The following NRBP1 variants were observed in gnomAD, a reference collection of about 807,000 sequenced individuals.
The protein encoded by NRBP1 is nuclear receptor binding protein 1, also known as nuclear receptor-binding protein.
NRBP1 carries 10 observed loss-of-function variants against 76.0 expected under a neutral mutation model. That is an observed-to-expected ratio of 0.13 (90% confidence interval 0.08 to 0.22). The LOEUF is 0.22. Ranked by LOEUF, NRBP1 falls within the 10% of genes least tolerant of loss-of-function variation. The pLI, the probability that NRBP1 is intolerant of heterozygous loss-of-function variation, is 1.00. For synonymous variants in NRBP1, 235 were observed against 240.2 expected (o/e 0.98, Z 0.20); for missense variants, 344 against 646.0 (o/e 0.53, Z 5.07).
chr2:27,434,644 G>C (rs1664238166), intron 5 of NRBP1, 78 bp from the exon 6 acceptor site: 1 of 1,593,458 alleles, frequency 6.3e-7, no homozygotes, highest in African/African-American at 1.3e-5. Flanking sequence ...AAGCTGATCA[G>C]GAAGGGACGG....
At chr2:27,434,971 C>T in intron 6 of NRBP1, 162 bp from the exon 7 acceptor site, 1 of 659,918 alleles carries the variant, frequency 1.5e-6, no homozygotes, top group Non-Finnish European at 2.7e-6. Context: ...TCTCCTAGTG[C>T]TTATCCAGCT....
rs996833698 is a variant in NRBP1, at chr2:27,434,406, T to C, written c.436-65T>C. 3 of 1,148,030 alleles carry C rather than the reference T, an allele frequency of 2.6e-6. No individual in the cohort carries two copies. In the African/African-American group the frequency reaches 4.7e-5, roughly 18 times the overall value. 71.1% of individuals were successfully genotyped at this position (1,148,030 alleles called of 1,614,324 possible). A position where few individuals can be genotyped will look rare whatever the true frequency, so the allele number is the denominator to read the frequency against. On this transcript the variant is annotated intron_variant, in intron 4 of 17. Coordinates refer to ENST00000379852, the MANE Select transcript of NRBP1 (RefSeq NM_013392.4). ...TTTTAACAAACCTTCAAATTTAAAATATGTTAACAAGGGAAGGGATCATTT... is the reference window on the plus strand; with the variant it reads ...TTTTAACAAACCTTCAAATTTAAAACATGTTAACAAGGGAAGGGATCATTT...
intron 16 of NRBP1, 55 bp downstream of exon 16, chr2:27,441,385 G>C (rs1024019117): frequency 8.9e-6 from 14 of 1,567,112 alleles, no homozygotes; most frequent in Middle Eastern, 1.7e-4. Flanking sequence ...TATCTTTTAG[G>C]GACATATTCA....
intron 5 of NRBP1, 54 bp from the exon 6 acceptor site, chr2:27,434,668 G>T: frequency 6.2e-7 from 1 of 1,609,202 alleles, no homozygotes; most frequent in Non-Finnish European, 8.5e-7. Context: ...GAGCTAGTGG[G>T]AGAGAGTTAA....
At chr2:27,438,561 T>C (rs114296609) in intron 10 of NRBP1, among the ~76,000 whole-genome samples, 1,681 of 152,254 alleles carry the variant, frequency 0.011, 36 homozygotes, top group African/African-American at 0.038. Context: ...TACTTCAACA[T>C]TGAGGTGGAG....
rs1477424024 is a variant in NRBP1 at position 27,437,075 on chromosome 2, C to T, written c.774C>T (p.Asp258=). 2 of 1,613,148 alleles carry T rather than the reference C, an allele frequency of 1.2e-6. No individual in the cohort carries two copies. Among genetic ancestry groups the T allele is most frequent in the African/African-American group, 2.7e-5 (2 of 74,606 alleles). The change falls in exon 9 of 18, where the codon GAC becomes GAT. Residue 258 remains aspartate, a synonymous_variant. Transcript: ENST00000379852. The part of the protein sequence containing the change: ...GEVTNVTTAV[D]IYSFGMCALE... ...TCACTAATGTGACAACAGCAGTGGACATCTACTCCTTTGGCATGTGTGCAC... is the reference window on the plus strand; with the variant it reads ...TCACTAATGTGACAACAGCAGTGGATATCTACTCCTTTGGCATGTGTGCAC...
rs1346535545 is a variant in NRBP1, at chr2:27,440,655, C to T, written c.1146C>T (p.Tyr382=). The change falls in exon 13 of 18, where the codon TAC becomes TAT. Residue 382 remains tyrosine, a synonymous_variant. Transcript: ENST00000379852. Reference sequence around the variant, plus strand: ...TCCTTTCTCTTTTCTCGTCCAGGTACTCTCAGTCACCAGCTCTGGAATTAG... The same window carrying T: ...TCCTTTCTCTTTTCTCGTCCAGGTATTCTCAGTCACCAGCTCTGGAATTAG... ...GPGREPVQTL[Y]SQSPALELDK... The T allele has an allele frequency of 3.7e-6, 6 of 1,614,064 alleles. No individual in the cohort carries two copies. In the Admixed American group the frequency reaches 6.7e-5, roughly 18 times the overall value.
chr2:27,434,414 C>T (rs1664230028), intron 4 of NRBP1, 57 bp from the exon 5 acceptor site: 3 of 1,195,584 alleles, frequency 2.5e-6, no homozygotes, highest in Non-Finnish European at 3.7e-6. Context: ...AATATGTTAA[C>T]AAGGGAAGGG....
chr2:27,430,387 G>A (rs1664057273), intron 1 of NRBP1, among the ~76,000 whole-genome samples: 1 of 152,000 alleles, frequency 6.6e-6, no homozygotes, highest in Admixed American at 6.5e-5. Context: ...AAAGATTGGT[G>A]TGTTGACTGG....
intron 11 of NRBP1, 77 bp from the exon 12 acceptor site, chr2:27,440,326 C>A: frequency 1.0e-6 from 1 of 995,936 alleles, no homozygotes; most frequent in Non-Finnish European, 1.6e-6. Context: ...GGATTCTTTA[C>A]CCCTTTGCCT....
upstream of NRBP1, chr2:27,428,353 A>C: frequency 3.4e-6 from 1 of 293,558 alleles, no homozygotes; most frequent in Non-Finnish European, 6.3e-6. Flanking sequence ...AAGAAGAGGT[A>C]GGAGGCCCTC....
intron 12 of NRBP1, 46 bp downstream of exon 12, chr2:27,440,554 C>T (rs751740963): frequency 4.4e-6 from 7 of 1,591,738 alleles, no homozygotes; most frequent in African/African-American, 1.3e-5. Context: ...GTCACGACCA[C>T]TCTTGAGGCT....
In NRBP1 at chr2:27,440,458, C is replaced by T. The variant is rs748798288; in HGVS notation, c.1092C>T (p.Ala364=). ...TCACCAAAAACATGGATACTAGTGC[C>T]GTACTGGCTGAAATCCCTGCAGGAC... is the stretch of plus-strand genomic sequence containing the variant. ...EEITKNMDTS[A]VLAEIPAGPG... is the part of the protein sequence containing the mutation. Residue 364 remains alanine (A), a synonymous_variant, in exon 12 of 18, where the codon GCC becomes GCT. Transcript: ENST00000379852. 54 of 1,613,970 alleles carry T rather than the reference C, an allele frequency of 3.3e-5. No homozygotes were observed. The highest frequency in any genetic ancestry group is 2.2e-5 in the East Asian group (1 of 44,898).
chr2:27,432,137 C>T (rs1664138493), intron 1 of NRBP1: 1 of 152,268 alleles, frequency 6.6e-6, no homozygotes, highest in Non-Finnish European at 1.5e-5. Flanking sequence ...GCGTGAGCCA[C>T]TGTGCCCGTC....
chr2:27,433,953 G>GT (rs1343471424), intron 3 of NRBP1, 36 bp from the exon 4 acceptor site: 1 of 1,531,048 alleles, frequency 6.5e-7, no homozygotes, highest in Non-Finnish European at 8.8e-7. Flanking sequence ...ACAGTGATTT[G>GT]TGACTCTGTT....
intron 10 of NRBP1, among the ~76,000 whole-genome samples, chr2:27,437,688 G>A (rs899948566): frequency 2.0e-5 from 3 of 151,836 alleles, no homozygotes; most frequent in Admixed American, 2.0e-4. Flanking sequence ...TGGCTAACAT[G>A]GTGAAACCCT....
At chr2:27,430,477 T>C (rs1395548010) in intron 1 of NRBP1, among the ~76,000 whole-genome samples, 2 of 121,380 alleles carry the variant, frequency 1.6e-5, no homozygotes, top group Non-Finnish European at 3.5e-5. Flanking sequence ...TTCTTTTTTT[T>C]TTTTTTTTTG....
intron 10 of NRBP1, among the ~76,000 whole-genome samples, chr2:27,437,715 C>CA (rs1442335724): frequency 2.6e-5 from 4 of 151,062 alleles, no homozygotes; most frequent in East Asian, 2.0e-4. Flanking sequence ...ACTAAAAATA[C>CA]AAAAAAAATT....
rs954349168 is a variant in NRBP1 at position 27,428,695 on chromosome 2, G to C, written c.-57G>C. The C allele has an allele frequency of 5.0e-6, 2 of 398,154 alleles. No individual in the cohort carries two copies. Among genetic ancestry groups the C allele is most frequent in the African/African-American group, 4.1e-5 (2 of 48,614 alleles). 24.7% of individuals were successfully genotyped at this position (398,154 alleles called of 1,614,324 possible). ...ATCCGGGGCCCCGGAACCCGAGCTG[G>C]AGCTGAAGCGCAGGCTGCGGGGCGC... On this transcript the variant is annotated 5_prime_UTR_variant, in exon 1 of 18. Transcript: ENST00000379852.
Sources: allele counts gnomAD v4.1 joint callset (sites outside exome capture counted in the v4.1 genomes callset), GRCh38; gene constraint gnomAD v4.1.1; transcripts MANE v1.5; gene names NCBI Gene and HGNC (gene_info 2026-07-23, HGNC 2026-07-21).